The following ACAD9 variants were observed in gnomAD, a reference collection of about 807,000 sequenced individuals.
The protein encoded by ACAD9 is complex I assembly factor ACAD9, mitochondrial.
ACAD9 carries 53 observed loss-of-function variants against 70.2 expected under a neutral mutation model. The observed-to-expected ratio is 0.75, with a 90% CI of 0.61 to 0.95. The LOEUF (loss-of-function observed/expected upper bound fraction) is 0.95, where lower values mean the gene tolerates loss of function less well. Among genes scored for constraint, ACAD9 ranks in the 40% least tolerant of loss-of-function variants. ACAD9 has a pLI of 0.00. For missense variants in ACAD9, 777 were observed against 802.8 expected (o/e 0.97, Z 0.39); for synonymous variants, 313 against 312.1 (o/e 1.00, Z -0.03).
intron 2 of ACAD9, among the ~76,000 whole-genome samples, chr3:128,893,162 A>G (rs1394900809): frequency 1.3e-5 from 2 of 151,650 alleles, no homozygotes; most frequent in Admixed American, 1.3e-4. Flanking sequence ...CCTGGGTAAC[A>G]TAGCAAGACC....
chr3:128,912,534 T>C lies in ACAD9; in HGVS notation c.1793T>C (p.Ile598Thr). The C allele has an allele frequency of 1.9e-6, 3 of 1,614,078 alleles. No homozygotes were observed. In the South Asian group the frequency reaches 3.3e-5, roughly 18 times the overall value. Residue 598 changes from isoleucine (I) to threonine (T), a missense_variant, in exon 18 of 18, where the codon ATT (isoleucine) becomes ACT (threonine). Transcript: ENST00000308982. Reference sequence around the variant, plus strand: ...GCTCCAGAAAACCTAGATGAGCAGATTAAGAAAGTGTCCCAGCAGATCCTT... The same window carrying C: ...GCTCCAGAAAACCTAGATGAGCAGACTAAGAAAGTGTCCCAGCAGATCCTT... ...KYAPENLDEQ[I>T]KKVSQQILEK...
intron 2 of ACAD9, among the ~76,000 whole-genome samples, chr3:128,892,289 TAAAGTTGTTA>T: frequency 6.6e-6 from 1 of 152,346 alleles, no homozygotes; most frequent in Non-Finnish European, 1.5e-5. Flanking sequence ...TGTATGTCAA[TAAAGTTGTTA>T]AAGGATAAAA....
chr3:128,906,716 C>A (rs1397208087), intron 12 of ACAD9, among the ~76,000 whole-genome samples: 1 of 152,162 alleles, frequency 6.6e-6, no homozygotes, highest in Non-Finnish European at 1.5e-5. Flanking sequence ...TGGGACTGAT[C>A]TGCTGGCACA....
intron 17 of ACAD9, among the ~76,000 whole-genome samples, chr3:128,911,214 G>A (rs58123605): frequency 0.015 from 2,221 of 152,100 alleles, 51 homozygotes; most frequent in African/African-American, 0.05. Flanking sequence ...ACGCCACCAC[G>A]CCCGGCTAAT....
At chr3:128,909,643 TCTGTG>T in intron 15 of ACAD9, 1 of 620,612 alleles carries the variant, frequency 1.6e-6, no homozygotes, top group Non-Finnish European at 2.8e-6. Context: ...GCAGTGTTTT[TCTGTG>T]CACCTTTCAG....
At chr3:128,909,170 T>C (rs1448097047) in intron 14 of ACAD9, 71 bp downstream of exon 14, 3 of 1,606,918 alleles carry the variant, frequency 1.9e-6, no homozygotes, top group Admixed American at 1.7e-5. Context: ...GCAGAAAAGA[T>C]CTCACTGTGG....
chr3:128,902,420 T>G lies in ACAD9; in HGVS notation c.883-133T>G. 3.7e-6 allele frequency: 3 copies of G among 814,326 alleles called. No individual in the cohort carries two copies. The highest frequency in any genetic ancestry group is 4.3e-6 in the Non-Finnish European group (2 of 467,696). The allele number at this position is 814,326 out of a possible 1,614,324, so 50.4% of individuals were successfully genotyped here. A position where few individuals can be genotyped will look rare whatever the true frequency, so the allele number is the denominator to read the frequency against. ...AGCTGCAACAGTGACTGAACCACCT[T>G]GTTCTGAGGCATTAGGATGGTGCTT... On this transcript the variant is annotated intron_variant, in intron 8 of 17. Transcript: ENST00000308982. This position sits in a 1 kb window ranked among gnomAD's most constrained non-coding sequence, Gnocchi z 4.0.
intron 7 of ACAD9, 24 bp from the exon 8 acceptor site, chr3:128,901,252 T>C (rs1935730100): frequency 6.2e-7 from 1 of 1,611,078 alleles, no homozygotes; most frequent in African/African-American, 1.3e-5. Flanking sequence ...TGTCAGATGA[T>C]ATCTTAAATT....
chr3:128,912,791 G>A lies in ACAD9; in HGVS notation c.*184G>A. On this transcript the variant is annotated 3_prime_UTR_variant, in exon 18 of 18. Transcript: ENST00000308982. ...TTCCAGGTTTTGACCTGCAGGCAGT[G>A]CTCTCTAACAGGACCATCACAGCTT... 1 of 737,832 alleles carries A rather than the reference G, an allele frequency of 1.4e-6. No homozygotes were observed. Among genetic ancestry groups the A allele is most frequent in the Non-Finnish European group, 2.5e-6 (1 of 401,574 alleles). The allele number at this position is 737,832 out of a possible 1,614,324, so 45.7% of individuals were successfully genotyped here.
rs763819824 is a variant in ACAD9 at position 128,901,334 on chromosome 3, C to T, written c.867C>T (p.Val289=). ...KIPVENILGE[V]GDGFKVAMNI... Reference sequence around the variant, plus strand: ...CTGTGGAAAACATCCTTGGAGAGGTCGGAGATGGGTTTAAGGTGAGTTGCC... The same window carrying T: ...CTGTGGAAAACATCCTTGGAGAGGTTGGAGATGGGTTTAAGGTGAGTTGCC... Residue 289 remains valine, a synonymous_variant, in exon 8 of 18, where the codon GTC becomes GTT. Transcript: ENST00000308982. The T allele has an allele frequency of 1.2e-5, 20 of 1,614,002 alleles. No individual in the cohort carries two copies. Among genetic ancestry groups the T allele is most frequent in the Non-Finnish European group, 1.6e-5 (19 of 1,179,990 alleles).
At chr3:128,898,111 C>G (rs1366911636) in intron 6 of ACAD9, among the ~76,000 whole-genome samples, 1 of 152,166 alleles carries the variant, frequency 6.6e-6, no homozygotes, top group Non-Finnish European at 1.5e-5. Flanking sequence ...CCCACCTCGG[C>G]CTCCCAAAGT....
At chr3:128,883,759 A>C (rs1326735514) in intron 1 of ACAD9, among the ~76,000 whole-genome samples, 1 of 152,030 alleles carries the variant, frequency 6.6e-6, no homozygotes, top group East Asian at 1.9e-4. Flanking sequence ...GGACTCACCT[A>C]TAAGCCTGTG....
intron 13 of ACAD9, among the ~76,000 whole-genome samples, 155 bp from the exon 14 acceptor site, chr3:128,908,818 G>A (rs991133774): frequency 6.6e-6 from 1 of 152,218 alleles, no homozygotes; most frequent in Non-Finnish European, 1.5e-5. Flanking sequence ...TCTCTGGCAG[G>A]TGGTGGGTTT....
Position 128,902,492 on chromosome 3 carries a change from G to A in ACAD9, c.883-61G>A, listed in dbSNP as rs905864086. 17 of 1,582,544 alleles carry A rather than the reference G, an allele frequency of 1.1e-5. No individual in the cohort carries two copies. Among genetic ancestry groups the A allele is most frequent in the Admixed American group, 5.0e-5 (3 of 59,948 alleles). ...AAGCTGATCCACCTGGCCTGGTTTC[G>A]TTGCGGCCTCCTCCCTCTGCCTCCT... On this transcript the variant is annotated intron_variant, in intron 8 of 17. Coordinates refer to ENST00000308982, the MANE Select transcript of ACAD9 (RefSeq NM_014049.5). The surrounding 1 kb of genome is among the most constrained non-coding windows in gnomAD (Gnocchi z 4.0).
At chr3:128,911,622 G>GAAAC (rs944851357) in intron 17 of ACAD9, among the ~76,000 whole-genome samples, 16 of 150,652 alleles carry the variant, frequency 1.1e-4, no homozygotes, top group African/African-American at 7.3e-5. Context: ...ATTTTTAGTA[G>GAAAC]AAACAAACAG....
intron 2 of ACAD9, among the ~76,000 whole-genome samples, chr3:128,888,544 A>C (rs1057080149): frequency 6.6e-6 from 1 of 152,144 alleles, no homozygotes; most frequent in African/African-American, 2.4e-5. Context: ...GCGCCACTGC[A>C]CTTCAGCCTG....
At chr3:128,912,158 A>AC (rs755795131) in intron 17 of ACAD9, among the ~76,000 whole-genome samples, 27 of 151,334 alleles carry the variant, frequency 1.8e-4, no homozygotes, top group East Asian at 9.8e-4. Context: ...TAGCCCAGAC[A>AC]CCCCCCCAGT....
chr3:128,910,281 T>G lies in ACAD9; in HGVS notation c.1692+132T>G, dbSNP rs1390337560. The G allele has an allele frequency of 4.6e-6, 7 of 1,520,902 alleles. No individual in the cohort carries two copies. The South Asian group carries it at 7.4e-5, about 16-fold the overall frequency. 94.2% of individuals were successfully genotyped at this position (1,520,902 alleles called of 1,614,324 possible). ...GTGCAGGTTCACCATGCGGTGGCCG[T>G]GGGAGGGTCTGTGCTGCTCAGGAGA... On this transcript the variant is annotated intron_variant, in intron 16 of 17. Coordinates refer to ENST00000308982, the MANE Select transcript of ACAD9 (RefSeq NM_014049.5).
In ACAD9 at chr3:128,906,252, G is replaced by A. The variant is rs1935886442; in HGVS notation, c.1278+3G>A. The A allele has an allele frequency of 4.3e-6, 7 of 1,613,962 alleles. No individual in the cohort carries two copies. Among genetic ancestry groups the A allele is most frequent in the Non-Finnish European group, 5.9e-6 (7 of 1,180,024 alleles). On this transcript the variant is annotated splice_donor_region_variant and intron_variant, in intron 12 of 17. Coordinates refer to ENST00000308982, the MANE Select transcript of ACAD9 (RefSeq NM_014049.5). The stretch of plus-strand genomic sequence containing the variant: ...CCCGCATCCTCCTCATCTTCGAGGT[G>A]AGTGGCCCCGCCACCAGCTAAGCTG...
Sources: allele counts gnomAD v4.1 joint callset (sites outside exome capture counted in the v4.1 genomes callset), GRCh38; gene constraint gnomAD v4.1.1; non-coding constraint Gnocchi (gnomAD v3.1); transcripts MANE v1.5; gene names NCBI Gene and HGNC (gene_info 2026-07-23, HGNC 2026-07-21).